SON: variants seen among roughly 807,000 people sequenced by gnomAD.
SON encodes the protein protein SON.
A neutral mutation model predicts 173.3 loss-of-function variants in SON; 4 were observed. The ratio of observed to expected loss-of-function variants is 0.02; its 90% CI spans 0.01 to 0.05. SON has a LOEUF of 0.05. SON is among the 10% of genes least tolerant of loss of function. The pLI, the probability that SON is intolerant of heterozygous loss-of-function variation, is 1.00. For missense variants in SON, 2,626 were observed against 3,055.3 expected, an observed-to-expected ratio of 0.86 and a Z score of 3.31; for synonymous variants, 1,190 against 1,105.9, an observed-to-expected ratio of 1.08 and a Z score of -1.51.
rs752054133 is a variant in SON at position 33,549,672 on chromosome 21, C to G, written c.441C>G (p.Asn147Lys). The change falls in exon 3 of 12, where the codon AAC becomes AAG. Residue 147 changes from asparagine to lysine, a missense_variant. By Grantham distance (94) the Asn-to-Lys change is moderately conservative. Transcript: ENST00000356577. ...ESKTKSHDDGNIDLESDSFLK... is the reference protein window; with the variant it reads ...ESKTKSHDDGKIDLESDSFLK... ...AGACGAAATCTCATGATGATGGGAA[C>G]ATAGATTTAGAATCTGATTCCTTTT... 6.2e-7 allele frequency: 1 copy of G among 1,612,324 alleles called. No individual in the cohort carries two copies. Among genetic ancestry groups the G allele is most frequent in the Admixed American group, 1.7e-5 (1 of 59,738 alleles).
At chr21:33,564,984 G>A (rs913135527) in intron 6 of SON, among the ~76,000 whole-genome samples, 14 of 151,992 alleles carry the variant, frequency 9.2e-5, no homozygotes, top group Non-Finnish European at 1.0e-4. Flanking sequence ...TACTACCTCA[G>A]GAAAAACATA....
intron 2 of SON, among the ~76,000 whole-genome samples, chr21:33,547,262 G>T (rs913553458): frequency 3.3e-5 from 5 of 152,066 alleles, no homozygotes; most frequent in Non-Finnish European, 5.9e-5. Context: ...GATTACAGGC[G>T]TGAGCCACCG....
At position 33,549,693 on chromosome 21, in the gene SON, C is replaced by G. The variant is rs1458442018; in HGVS notation, c.462C>G (p.Ser154=). The part of the protein sequence containing the change: ...DDGNIDLESD[S]FLKFDSEPSA... The stretch of plus-strand genomic sequence containing the variant: ...GGAACATAGATTTAGAATCTGATTC[C>G]TTTTTAAAGTTTGATTCTGAACCTT... The change falls in exon 3 of 12, where the codon TCC becomes TCG. Residue 154 remains serine, a synonymous_variant. Coordinates refer to ENST00000356577, the MANE Select transcript of SON (RefSeq NM_138927.4). The G allele has an allele frequency of 1.9e-6, 3 of 1,612,270 alleles. No individual in the cohort carries two copies. The African/African-American group carries it at 4.0e-5, about 22-fold the overall frequency.
intron 1 of SON, among the ~76,000 whole-genome samples, chr21:33,544,170 G>A (rs1326415035): frequency 2.0e-5 from 3 of 152,190 alleles, no homozygotes; most frequent in Admixed American, 1.3e-4. Context: ...TTGAAAATGG[G>A]CCGAAAACCA....
chr21:33,549,670 A>T lies in SON; in HGVS notation c.439A>T (p.Asn147Tyr), dbSNP rs1045691165. The T allele has an allele frequency of 6.2e-7, 1 of 1,612,172 alleles. No individual in the cohort carries two copies. Among genetic ancestry groups the T allele is most frequent in the African/African-American group, 1.3e-5 (1 of 74,824 alleles). Residue 147 changes from asparagine to tyrosine, a missense_variant, in exon 3 of 12, where the codon AAC (asparagine) becomes TAC (tyrosine). Asn to Tyr is a moderately radical substitution (Grantham distance 143). Coordinates refer to ENST00000356577, the MANE Select transcript of SON (RefSeq NM_138927.4). ...ESKTKSHDDGNIDLESDSFLK... is the reference protein window; with the variant it reads ...ESKTKSHDDGYIDLESDSFLK... ...AAAGACGAAATCTCATGATGATGGG[A>T]ACATAGATTTAGAATCTGATTCCTT... is the stretch of plus-strand genomic sequence containing the variant.
Position 33,543,167 on chromosome 21 carries a change from C to A in SON, c.75C>A (p.Ser25=). ...TCCGGGAAATTCAACAGGAGCTTTC[C>A]AGGTAAACGCCTCCCAGATTCTTCT... ...SKFREIQQEL[S]SGRNEGQLNG... Residue 25 remains serine (S), a splice_region_variant and synonymous_variant, in exon 1 of 12, where the codon TCC becomes TCA. Coordinates refer to ENST00000356577, the MANE Select transcript of SON (RefSeq NM_138927.4). 6.2e-7 allele frequency: 1 copy of A among 1,613,204 alleles called. No homozygotes were observed. The highest frequency in any genetic ancestry group is 8.5e-7 in the Non-Finnish European group (1 of 1,179,136).
chr21:33,547,374 A>AGAGG (rs1569048678), intron 2 of SON, among the ~76,000 whole-genome samples: 2 of 152,210 alleles, frequency 1.3e-5, no homozygotes, highest in Admixed American at 6.5e-5. Context: ...CAGTGGATGG[A>AGAGG]GAGGAATCAT....
chr21:33,551,662 A>C lies in SON; in HGVS notation c.2431A>C (p.Met811Leu). The change falls in exon 3 of 12, where the codon ATG becomes CTG. Residue 811 changes from methionine (M) to leucine (L), a missense_variant. By Grantham distance (15) the Met-to-Leu change is conservative. This residue lies in a region of SON where 38 missense variants were observed against 92.1 expected (regional missense o/e 0.41). Transcript: ENST00000356577. ...MDSQMLATSS[M>L]DSQMLATSSM... ...CTCCCAGATGTTAGCAACCAGCTCCATGGACTCCCAGATGTTAGCAACCAG... is the reference window on the plus strand; with the variant it reads ...CTCCCAGATGTTAGCAACCAGCTCCCTGGACTCCCAGATGTTAGCAACCAG... The C allele has an allele frequency of 6.2e-7, 1 of 1,612,438 alleles. No homozygotes were observed. Among genetic ancestry groups the C allele is most frequent in the Non-Finnish European group, 8.5e-7 (1 of 1,179,976 alleles).
chr21:33,547,457 C>T (rs984947168), intron 2 of SON, among the ~76,000 whole-genome samples: 1 of 152,104 alleles, frequency 6.6e-6, no homozygotes, highest in Non-Finnish European at 1.5e-5. Context: ...ACAAAAATAA[C>T]AGTCATTACC....
chr21:33,543,259 TC>T (rs1199161307), intron 1 of SON, 90 bp downstream of exon 1: 1 of 1,278,564 alleles, frequency 7.8e-7, no homozygotes, highest in African/African-American at 1.5e-5. Context: ...ACGCAGTCGT[TC>T]CCCGGCTCAG....
At position 33,553,653 on chromosome 21, in the gene SON, G is replaced by A; in HGVS notation, c.4422G>A (p.Leu1474=). The change falls in exon 3 of 12, where the codon CTG becomes CTA. Residue 1474 remains leucine, a synonymous_variant. Transcript: ENST00000356577. ...CTATAGAGTCCACACCAATGATACT[G>A]GAATCTAGTATCATGTCATCACATG... The part of the protein sequence containing the change: ...EVAIESTPMI[L]ESSIMSSHVM... The A allele has an allele frequency of 6.2e-7, 1 of 1,612,864 alleles. No individual in the cohort carries two copies. The highest frequency in any genetic ancestry group is 8.5e-7 in the Non-Finnish European group (1 of 1,179,006).
Position 33,552,244 on chromosome 21 carries a change from G to T in SON, c.3013G>T (p.Ala1005Ser), listed in dbSNP as rs142482063. 203 of 1,614,036 alleles carry T rather than the reference G, an allele frequency of 1.3e-4. No individual in the cohort carries two copies. Among genetic ancestry groups the T allele is most frequent in the Non-Finnish European group, 1.6e-4 (185 of 1,180,026 alleles). ...ACGTTCTATGATGATGTCCTATGCT[G>T]CAGAACGTTCCATGATGTCATCTTA... is the stretch of plus-strand genomic sequence containing the variant. ...SRRSMMMSYA[A>S]ERSMMSSYER... Residue 1005 changes from alanine to serine, a missense_variant, in exon 3 of 12, where the codon GCA becomes TCA. Coordinates refer to ENST00000356577, the MANE Select transcript of SON (RefSeq NM_138927.4). The surrounding 1 kb of genome is among the most constrained non-coding windows in gnomAD (Gnocchi z 5.6).
chr21:33,545,335 T>A (rs2085589695), intron 1 of SON, among the ~76,000 whole-genome samples: 1 of 152,206 alleles, frequency 6.6e-6, no homozygotes, highest in Non-Finnish European at 1.5e-5. Flanking sequence ...TAATAATAAT[T>A]AGGTAACTAC....
chr21:33,546,117 ACAGT>A (rs1473726609), intron 1 of SON, 92 bp from the exon 2 acceptor site: 60 of 975,860 alleles, frequency 6.1e-5, no homozygotes, highest in African/African-American at 5.8e-4. Context: ...AAAACATCTG[ACAGT>A]CAGTACAACA....
Position 33,554,222 on chromosome 21 carries a change from T to C in SON, c.4991T>C (p.Ile1664Thr), listed in dbSNP as rs764307070. ...DIEGPLPAKD[I>T]HLDLPSNNNL... ...GAAGGGCCTTTGCCTGCTAAAGATA[T>C]TCATCTTGATTTACCATCTAATAAT... is the stretch of plus-strand genomic sequence containing the variant. Residue 1664 changes from isoleucine (I) to threonine (T), a missense_variant, in exon 3 of 12, where the codon ATT becomes ACT. By Grantham distance (89) the Ile-to-Thr change is moderately conservative. Transcript: ENST00000356577. The C allele has an allele frequency of 5.3e-5, 85 of 1,613,996 alleles. No individual in the cohort carries two copies. The highest frequency in any genetic ancestry group is 8.0e-5 in the African/African-American group (6 of 74,936).
rs752054133 is a variant in SON at position 33,549,672 on chromosome 21, C to T, written c.441C>T (p.Asn147=). Residue 147 remains asparagine (N), a synonymous_variant, in exon 3 of 12, where the codon AAC becomes AAT. Coordinates refer to ENST00000356577, the MANE Select transcript of SON (RefSeq NM_138927.4). The part of the protein sequence containing the change: ...ESKTKSHDDG[N]IDLESDSFLK... ...AGACGAAATCTCATGATGATGGGAA[C>T]ATAGATTTAGAATCTGATTCCTTTT... 1.1e-5 allele frequency: 18 copies of T among 1,612,206 alleles called. No homozygotes were observed. The highest frequency in any genetic ancestry group is 1.4e-5 in the Non-Finnish European group (16 of 1,179,502).
rs772363715 is a variant in SON at position 33,552,780 on chromosome 21, C to T, written c.3549C>T (p.Pro1183=). The change falls in exon 3 of 12, where the codon CCC becomes CCT. Residue 1183 remains proline, a synonymous_variant. Coordinates refer to ENST00000356577, the MANE Select transcript of SON (RefSeq NM_138927.4). This position sits in a 1 kb window ranked among gnomAD's most constrained non-coding sequence, Gnocchi z 5.6. ...AACCACCAGAGGGTCCAGCATTGCCCACTGAGCAGTCAGCATTAACAGCTG... is the reference window on the plus strand; with the variant it reads ...AACCACCAGAGGGTCCAGCATTGCCTACTGAGCAGTCAGCATTAACAGCTG... ...PEEPPEGPAL[P]TEQSALTAEN... is the part of the protein sequence containing the mutation. 1.9e-6 allele frequency: 3 copies of T among 1,613,876 alleles called. No homozygotes were observed. The highest frequency in any genetic ancestry group is 1.3e-5 in the African/African-American group (1 of 75,038).
chr21:33,565,465 A>G (rs988430736), intron 6 of SON, among the ~76,000 whole-genome samples: 32 of 152,336 alleles, frequency 2.1e-4, no homozygotes, highest in Admixed American at 8.5e-4. Context: ...TTACCTTGAT[A>G]ATCCTACCTG....
At position 33,549,887 on chromosome 21, in the gene SON, C is replaced by A; in HGVS notation, c.656C>A (p.Thr219Lys). 1 of 1,614,240 alleles carries A rather than the reference C, an allele frequency of 6.2e-7. No homozygotes were observed. Among genetic ancestry groups the A allele is most frequent in the South Asian group, 1.1e-5 (1 of 91,090 alleles). The change falls in exon 3 of 12, where the codon ACA becomes AAA. Residue 219 changes from threonine (T) to lysine (K), a missense_variant. Thr to Lys is a moderately conservative substitution (Grantham distance 78, BLOSUM62 -1). Around this residue, in one of 13 missense-constraint regions of SON, gnomAD observed 757 missense variants for 730.1 expected, o/e 1.04. Coordinates refer to ENST00000356577, the MANE Select transcript of SON (RefSeq NM_138927.4). ...TKTAELSVVSTSVISEQSEQS... is the reference protein window; with the variant it reads ...TKTAELSVVSKSVISEQSEQS... ...ACTGCAGAACTGTCAGTTGTATCTA[C>A]ATCAGTAATCTCAGAGCAGTCAGAG...
Sources: allele counts gnomAD v4.1 joint callset (sites outside exome capture counted in the v4.1 genomes callset), GRCh38; gene constraint gnomAD v4.1.1; regional missense constraint gnomAD v4.1.1; non-coding constraint Gnocchi (gnomAD v3.1); transcripts MANE v1.5; gene names NCBI Gene and HGNC (gene_info 2026-07-23, HGNC 2026-07-21).